The following UACA variants were observed in gnomAD, a reference collection of about 807,000 sequenced individuals.
The protein encoded by UACA is nuclear membrane binding protein.
A neutral mutation model predicts 160.5 loss-of-function variants in UACA; 112 were observed. That is an observed-to-expected ratio of 0.70 (90% CI 0.60 to 0.82). UACA has a LOEUF of 0.82. UACA is among the 40% of genes least tolerant of loss of function. The pLI is 0.00. For synonymous variants in UACA, 557 were observed against 568.4 expected (o/e 0.98, Z 0.29); for missense variants, 1,574 against 1,614.6 (o/e 0.97, Z 0.43).
At chr15:70,672,099 A>T (rs918247058) in intron 13 of UACA, 98 bp from the exon 14 acceptor site, 1 of 986,760 alleles carries the variant, frequency 1.0e-6, no homozygotes, top group Admixed American at 2.7e-5. Flanking sequence ...CATTAAAACT[A>T]CATTTTTGAC....
chr15:70,703,204 G>T, intron 1 of UACA: 1 of 1,289,046 alleles, frequency 7.8e-7, no homozygotes, highest in Non-Finnish European at 1.0e-6. Context: ...TTTTAACCAT[G>T]TTCTCATTAC....
intron 1 of UACA, among the ~76,000 whole-genome samples, chr15:70,708,138 TGA>T (rs779540651): frequency 5.9e-5 from 9 of 152,112 alleles, no homozygotes; most frequent in African/African-American, 1.2e-4. Context: ...AGATGAATCT[TGA>T]GAGACATTAT....
chr15:70,701,225 C>T (rs939121030), intron 1 of UACA, among the ~76,000 whole-genome samples: 2 of 152,152 alleles, frequency 1.3e-5, no homozygotes, highest in Admixed American at 6.5e-5. Context: ...AAAGTTTAAA[C>T]TGCCAACTAT....
In UACA at chr15:70,748,236, C is replaced by CA. The variant is rs964846251; in HGVS notation, c.78+15093dup. 1.5e-4 allele frequency among the ~76,000 whole-genome samples: 23 copies of CA among 150,656 alleles called. 1 individual carries two copies. The highest frequency in any genetic ancestry group is 1.3e-3 in the Admixed American group (20 of 15,146). The stretch of plus-strand genomic sequence containing the variant: ...TCAATTCTTAGCTGTAAAGAAAAGT[C>CA]AAAAAAAAATTCAACCCACAAACAG... On this transcript the variant is annotated intron_variant, in intron 1 of 18. Transcript: ENST00000322954.
intron 1 of UACA, among the ~76,000 whole-genome samples, chr15:70,708,401 TTA>T (rs1898581478): frequency 6.6e-6 from 1 of 152,188 alleles, no homozygotes; most frequent in African/African-American, 2.4e-5. Flanking sequence ...CAGTAAATTT[TTA>T]TGTTTCCAGT....
intron 1 of UACA, among the ~76,000 whole-genome samples, chr15:70,759,876 T>C (rs2030644066): frequency 6.6e-6 from 1 of 152,180 alleles, no homozygotes; most frequent in Admixed American, 6.5e-5. Context: ...ATTCAGAATA[T>C]TCAAAATTAC....
the UACA span, among the ~76,000 whole-genome samples, chr15:70,769,779 A>T: frequency 0.18 from 27,545 of 152,030 alleles, 3,805 homozygotes; most frequent in African/African-American, 0.39. Context: ...GGTGGATCAT[A>T]TGAGATCAGG....
At chr15:70,770,377 A>G in the UACA span, among the ~76,000 whole-genome samples, 1 of 152,226 alleles carries the variant, frequency 6.6e-6, no homozygotes, top group African/African-American at 2.4e-5. Flanking sequence ...TTTTATTCAA[A>G]GAGATTTGTC....
intron 1 of UACA, among the ~76,000 whole-genome samples, chr15:70,750,996 G>C (rs2030018419): frequency 6.6e-6 from 1 of 152,174 alleles, no homozygotes; most frequent in South Asian, 2.1e-4. Flanking sequence ...AAATGTCATT[G>C]AATCGTTCAC....
upstream of UACA, among the ~76,000 whole-genome samples, chr15:70,767,255 AACAAAAAACAAAAACAAAAAC>A (rs1442218862): frequency 2.4e-5 from 3 of 124,962 alleles, no homozygotes; most frequent in African/African-American, 1.1e-4. Context: ...AAAAAAAAAA[AACAAAAAACAAAAACAAAAAC>A]AACAACAATA....
chr15:70,693,712 G>C (rs551387122), intron 3 of UACA, among the ~76,000 whole-genome samples: 9 of 152,062 alleles, frequency 5.9e-5, no homozygotes, highest in African/African-American at 2.2e-4. Context: ...CACTAGATTA[G>C]CCACTAGGCA....
chr15:70,707,909 T>C (rs1422345740), intron 1 of UACA, among the ~76,000 whole-genome samples: 2 of 152,210 alleles, frequency 1.3e-5, no homozygotes, highest in Non-Finnish European at 2.9e-5. Flanking sequence ...GATCCAGCCA[T>C]CCTACTTCTG....
chr15:70,762,125 C>T (rs868246273), intron 1 of UACA, among the ~76,000 whole-genome samples: 1 of 152,054 alleles, frequency 6.6e-6, no homozygotes, highest in South Asian at 2.1e-4. Flanking sequence ...TATCAAAGAA[C>T]ATCAATTACG....
At chr15:70,729,583 A>G (rs1477902658) in intron 1 of UACA, among the ~76,000 whole-genome samples, 1 of 141,372 alleles carries the variant, frequency 7.1e-6, no homozygotes, top group East Asian at 2.0e-4. Context: ...CTACCCCTGT[A>G]TTTTGCTCGG....
chr15:70,670,997 C>T, intron 15 of UACA, 42 bp downstream of exon 15: 1 of 1,363,638 alleles, frequency 7.3e-7, no homozygotes, highest in South Asian at 1.6e-5. Context: ...CAAAAATTTT[C>T]TTTAAATGTT....
At chr15:70,725,872 C>T (rs1475145929) in intron 1 of UACA, among the ~76,000 whole-genome samples, 1 of 152,074 alleles carries the variant, frequency 6.6e-6, no homozygotes, top group African/African-American at 2.4e-5. Context: ...CTGAAATGTA[C>T]CCAACACATA....
At chr15:70,776,632 T>G in the UACA span, among the ~76,000 whole-genome samples, 1 of 152,070 alleles carries the variant, frequency 6.6e-6, no homozygotes, top group Non-Finnish European at 1.5e-5. Context: ...TTTCACCAGG[T>G]TGGCCAGGCT....
chr15:70,669,090 C>G lies in UACA; in HGVS notation c.1594G>C (p.Ala532Pro), dbSNP rs1897045539. The change falls in exon 16 of 19, where the codon GCC becomes CCC. Residue 532 changes from alanine (A) to proline (P), a missense_variant. Physicochemically the swap from Ala to Pro is conservative, Grantham distance 27. Transcript: ENST00000322954. ...ALKEHLTSEAASGNHRLTEEL... is the reference protein window; with the variant it reads ...ALKEHLTSEAPSGNHRLTEEL... ...TCGGTTAGTCTGTGATTCCCTGAGG[C>G]TGCTTCACTTGTTAAGTGTTCTTTA... 81 of 1,614,074 alleles carry G rather than the reference C, an allele frequency of 5.0e-5. No individual in the cohort carries two copies. The highest frequency in any genetic ancestry group is 6.9e-5 in the Non-Finnish European group (81 of 1,180,018).
At chr15:70,729,507 G>A (rs1218196216) in intron 1 of UACA, among the ~76,000 whole-genome samples, 1 of 142,800 alleles carries the variant, frequency 7.0e-6, no homozygotes, top group African/African-American at 3.0e-5. Context: ...ACATAAAGAT[G>A]GGAACAACCC....
Sources: allele counts gnomAD v4.1 joint callset (sites outside exome capture counted in the v4.1 genomes callset), GRCh38; gene constraint gnomAD v4.1.1; transcripts MANE v1.5; gene names NCBI Gene and HGNC (gene_info 2026-07-23, HGNC 2026-07-21).